NUMB: variants seen among roughly 807,000 people sequenced by gnomAD.
NUMB encodes NUMB endocytic adaptor protein.
NUMB carries 29 observed loss-of-function variants against 59.7 expected under a neutral mutation model. The ratio of observed to expected loss-of-function variants is 0.49; its 90% confidence interval spans 0.36 to 0.66. The LOEUF is 0.66. Among genes scored for constraint, NUMB ranks in the 30% least tolerant of loss-of-function variants. The pLI, the probability that NUMB is intolerant of heterozygous loss-of-function variation, is 0.00. For synonymous variants in NUMB, 288 were observed against 288.2 expected, an observed-to-expected ratio of 1.00 and a Z score of 0.01; for missense variants, 723 against 822.0, an observed-to-expected ratio of 0.88 and a Z score of 1.47.
intron 1 of NUMB, among the ~76,000 whole-genome samples, chr14:73,453,828 C>T (rs969996046): frequency 6.6e-6 from 1 of 151,720 alleles, no homozygotes; most frequent in Admixed American, 6.6e-5. Context: ...AGGATGGTCT[C>T]GATCTCCTGA....
At chr14:73,307,969 G>A (rs1259918877) in intron 6 of NUMB, among the ~76,000 whole-genome samples, 3 of 151,930 alleles carry the variant, frequency 2.0e-5, no homozygotes, top group East Asian at 1.9e-4. Flanking sequence ...TCCTGACCTC[G>A]TGATCCGCCC....
At chr14:73,426,283 T>C (rs911937609) in intron 1 of NUMB, among the ~76,000 whole-genome samples, 1 of 152,194 alleles carries the variant, frequency 6.6e-6, no homozygotes, top group Non-Finnish European at 1.5e-5. Context: ...CTTCCAGGCA[T>C]TGATAAGTAA....
Position 73,292,976 on chromosome 14 carries a change from T to C in NUMB, c.310-102A>G, listed in dbSNP as rs901321507. 2.6e-6 allele frequency: 3 copies of C among 1,164,970 alleles called. No homozygotes were observed. The South Asian group carries it at 4.1e-5, about 16-fold the overall frequency. 72.2% of individuals were successfully genotyped at this position (1,164,970 alleles called of 1,614,324 possible). A position where few individuals can be genotyped will look rare whatever the true frequency, so the allele number is the denominator to read the frequency against. On this transcript the variant is annotated intron_variant, in intron 7 of 12. Transcript: ENST00000555238. ...CATGATGCACAATCCATACATCTGA[T>C]ACAACTAGGCTATGGAATACCTAGA...
At chr14:73,377,828 G>A (rs1895028268) in intron 2 of NUMB, among the ~76,000 whole-genome samples, 2 of 152,132 alleles carry the variant, frequency 1.3e-5, no homozygotes, top group African/African-American at 2.4e-5. Flanking sequence ...TTAGCCAGGT[G>A]TGTTGGCGGG....
chr14:73,363,386 C>A (rs953956245), intron 3 of NUMB, among the ~76,000 whole-genome samples: 1 of 152,086 alleles, frequency 6.6e-6, no homozygotes. Flanking sequence ...GAAACACAAT[C>A]CTAAATGAAA....
At chr14:73,278,709 G>A (rs1888374270) in intron 12 of NUMB, among the ~76,000 whole-genome samples, 1 of 149,210 alleles carries the variant, frequency 6.7e-6, no homozygotes, top group Non-Finnish European at 1.5e-5. Context: ...CTCTGAGGTG[G>A]GGCCCTGGAA....
chr14:73,319,333 T>C (rs912949834), intron 5 of NUMB, among the ~76,000 whole-genome samples: 2 of 152,222 alleles, frequency 1.3e-5, no homozygotes, highest in African/African-American at 4.8e-5. Flanking sequence ...ACTAGATGTG[T>C]TGGTGGTACA....
intron 5 of NUMB, among the ~76,000 whole-genome samples, chr14:73,316,880 T>A (rs1043847797): frequency 4.6e-5 from 7 of 152,204 alleles, no homozygotes; most frequent in African/African-American, 7.2e-5. Context: ...TCACCAATTT[T>A]AAAAAAGTCC....
chr14:73,374,870 A>G (rs1368094377), intron 2 of NUMB, among the ~76,000 whole-genome samples: 1 of 151,808 alleles, frequency 6.6e-6, no homozygotes, highest in African/African-American at 2.4e-5. Context: ...ACAGGCGCCC[A>G]CCACCATGCC....
rs1263291568 is a variant in NUMB at position 73,456,363 on chromosome 14, G to GCCTCCCAAAGTGCTGGGATTA, written c.-233+2109_-233+2129dup. Reference sequence around the variant, plus strand: ...GACCTCAAGTGATCCGCCCGCCTTGGCCTCCCAAAGTGCTGGGATTATAGG... The same window carrying GCCTCCCAAAGTGCTGGGATTA: ...GACCTCAAGTGATCCGCCCGCCTTGGCCTCCCAAAGTGCTGGGATTACCTCCCAAAGTGCTGGGATTATAGG... On this transcript the variant is annotated intron_variant, in intron 1 of 12. Coordinates refer to ENST00000555238, the MANE Select transcript of NUMB (RefSeq NM_001005743.2). Among the ~76,000 whole-genome samples the GCCTCCCAAAGTGCTGGGATTA allele has an allele frequency of 6.0e-4, 92 of 152,202 alleles. 1 individual carries two copies. Among genetic ancestry groups the GCCTCCCAAAGTGCTGGGATTA allele is most frequent in the African/African-American group, 2.1e-3 (86 of 41,454 alleles).
intron 2 of NUMB, among the ~76,000 whole-genome samples, chr14:73,389,960 T>C (rs994448521): frequency 2.0e-5 from 3 of 151,964 alleles, no homozygotes; most frequent in Non-Finnish European, 2.9e-5. Flanking sequence ...AAATGAAATA[T>C]ACCAAAAAAC....
intron 6 of NUMB, among the ~76,000 whole-genome samples, chr14:73,311,812 T>C (rs995803100): frequency 2.6e-5 from 4 of 152,228 alleles, no homozygotes; most frequent in Admixed American, 6.5e-5. Context: ...ATGCTTCATT[T>C]TGAGGTTTCA....
chr14:73,278,038 T>C (rs1594851707), intron 12 of NUMB, among the ~76,000 whole-genome samples: 1 of 84,392 alleles, frequency 1.2e-5, no homozygotes, highest in Admixed American at 2.0e-4. Context: ...ACAGCGAGAC[T>C]CCGTCTCAAA....
rs116845777 is a variant in NUMB at position 73,402,010 on chromosome 14, G to A, written c.-101+7927C>T. On this transcript the variant is annotated intron_variant, in intron 2 of 12. Coordinates refer to ENST00000555238, the MANE Select transcript of NUMB (RefSeq NM_001005743.2). ...CGTGAGTAGCTAGGACCACGTGCAC[G>A]CACCACCATGTCCAGCTAATTTTTT... is the stretch of plus-strand genomic sequence containing the variant. 6.8e-3 allele frequency among the ~76,000 whole-genome samples: 1,039 copies of A among 152,134 alleles called. 5 individuals are homozygous for A. The highest frequency in any genetic ancestry group is 0.03 in the South Asian group (145 of 4,816).
At chr14:73,357,888 C>CG (rs200911758) in intron 3 of NUMB, among the ~76,000 whole-genome samples, 5 of 146,768 alleles carry the variant, frequency 3.4e-5, no homozygotes, top group African/African-American at 7.9e-5. Flanking sequence ...TGAGGCCCCC[C>CG]CCAAAAAAAA....
intron 1 of NUMB, among the ~76,000 whole-genome samples, chr14:73,427,253 C>T (rs1249363613): frequency 2.0e-5 from 3 of 151,918 alleles, no homozygotes; most frequent in Non-Finnish European, 4.4e-5. Flanking sequence ...CAGAGGCAGA[C>T]GGATCACCTG....
intron 1 of NUMB, among the ~76,000 whole-genome samples, chr14:73,434,502 T>G (rs988180910): frequency 1.3e-5 from 2 of 152,160 alleles, no homozygotes; most frequent in African/African-American, 4.8e-5. Context: ...AAATATAGAA[T>G]AGTTTCCTAA....
At chr14:73,290,324 G>C (rs1311030103) in intron 8 of NUMB, among the ~76,000 whole-genome samples, 1 of 152,168 alleles carries the variant, frequency 6.6e-6, no homozygotes, top group Non-Finnish European at 1.5e-5. Flanking sequence ...TAAAATTTTT[G>C]GAGTAATGTG....
rs187707069 is a variant in NUMB at position 73,403,657 on chromosome 14, T to C, written c.-101+6280A>G. Among the ~76,000 whole-genome samples, 23 of 152,240 alleles carry C rather than the reference T, an allele frequency of 1.5e-4. 1 individual carries two copies. In the East Asian group the frequency reaches 3.1e-3, roughly 20 times the overall value. ...AGGGACACATCCTTGAACAATAATA[T>C]AAGCCTTCAAGAGATTGGCGGGGCA... On this transcript the variant is annotated intron_variant, in intron 2 of 12. Coordinates refer to ENST00000555238, the MANE Select transcript of NUMB (RefSeq NM_001005743.2).
Sources: gnomAD v4.1 joint callset for allele counts (sites outside exome capture counted in the v4.1 genomes callset) on GRCh38, gnomAD v4.1.1 for gene constraint, MANE v1.5 for transcripts, NCBI Gene and HGNC (gene_info 2026-07-23, HGNC 2026-07-21) for gene names.